The following PLEKHH2 variants were observed in gnomAD, a reference collection of about 807,000 sequenced individuals.
PLEKHH2 encodes pleckstrin homology, MyTH4 and FERM domain containing H2.
PLEKHH2 carries 129 observed loss-of-function variants against 187.9 expected under a neutral mutation model. The ratio of observed to expected loss-of-function variants is 0.69; its 90% CI spans 0.59 to 0.79. The LOEUF (loss-of-function observed/expected upper bound fraction) is 0.79, where lower values mean the gene tolerates loss of function less well. Ranked by LOEUF, PLEKHH2 falls within the 30% of genes least tolerant of loss-of-function variation. The pLI, the probability that PLEKHH2 is intolerant of heterozygous loss-of-function variation, is 0.00. For synonymous variants in PLEKHH2, 686 were observed against 605.6 expected (o/e 1.13, Z -1.95); for missense variants, 2,076 against 1,751.2 (o/e 1.19, Z -3.31).
chr2:43,700,114 C>T lies in PLEKHH2; in HGVS notation c.1156C>T (p.Leu386=), dbSNP rs148152893. 66 of 1,613,982 alleles carry T rather than the reference C, an allele frequency of 4.1e-5. No individual in the cohort carries two copies. The highest frequency in any genetic ancestry group is 1.0e-4 in the Admixed American group (6 of 59,990). Residue 386 remains leucine (L), a synonymous_variant, in exon 8 of 30, where the codon CTG becomes TTG. Transcript: ENST00000282406. Reference sequence around the variant, plus strand: ...GGAACAAGATAGTTCCTCGGATGAACTGAATAAAAAATTTCAATCCCAGAG... The same window carrying T: ...GGAACAAGATAGTTCCTCGGATGAATTGAATAAAAAATTTCAATCCCAGAG... The part of the protein sequence containing the change: ...KKEQDSSSDE[L]NKKFQSQRLD...
At chr2:43,748,169 A>T (rs532564834) in intron 24 of PLEKHH2, among the ~76,000 whole-genome samples, 173 of 152,360 alleles carry the variant, frequency 1.1e-3, no homozygotes, top group Non-Finnish European at 2.2e-3. Context: ...GTGGTTGTGA[A>T]CACTGGAGCT....
intron 16 of PLEKHH2, among the ~76,000 whole-genome samples, chr2:43,725,226 T>C (rs1292717750): frequency 6.6e-6 from 1 of 152,196 alleles, no homozygotes; most frequent in African/African-American, 2.4e-5. Flanking sequence ...TTAGTCTGTG[T>C]TTCTTTGTCC....
Position 43,745,878 on chromosome 2 carries a change from A to G in PLEKHH2, c.3568A>G (p.Ile1190Val). 1.9e-6 allele frequency: 3 copies of G among 1,608,948 alleles called. No individual in the cohort carries two copies. The highest frequency in any genetic ancestry group is 2.6e-6 in the Non-Finnish European group (3 of 1,176,440). ...LQGNIKICDI[I>V]SKWEQASKEQ... is the part of the protein sequence containing the mutation. ...ACTTCCTTTCTAGATTTGTGACATTATTTCCAAATGGGAACAGGCTTCCAA... is the reference window on the plus strand; with the variant it reads ...ACTTCCTTTCTAGATTTGTGACATTGTTTCCAAATGGGAACAGGCTTCCAA... The change falls in exon 24 of 30, where the codon ATT (isoleucine) becomes GTT (valine). Residue 1190 changes from isoleucine to valine, a missense_variant. Coordinates refer to ENST00000282406, the MANE Select transcript of PLEKHH2 (RefSeq NM_172069.4).
At chr2:43,673,094 C>T (rs959650244) in intron 2 of PLEKHH2, among the ~76,000 whole-genome samples, 3 of 152,050 alleles carry the variant, frequency 2.0e-5, no homozygotes, top group Non-Finnish European at 2.9e-5. Flanking sequence ...TTCAAACATA[C>T]AAAAGTAAGC....
At chr2:43,678,084 G>A (rs1435707903) in intron 2 of PLEKHH2, among the ~76,000 whole-genome samples, 2 of 151,534 alleles carry the variant, frequency 1.3e-5, no homozygotes, top group African/African-American at 4.9e-5. Flanking sequence ...GTCGCGGCCG[G>A]GCAGAGGCGC....
chr2:43,677,953 CG>C (rs553981296), intron 2 of PLEKHH2, among the ~76,000 whole-genome samples: 16 of 143,702 alleles, frequency 1.1e-4, no homozygotes, highest in Non-Finnish European at 1.9e-4. Context: ...CCCTCCCAGA[CG>C]GGGCGGCTGC....
intron 21 of PLEKHH2, 187 bp downstream of exon 21, chr2:43,741,230 T>A: frequency 2.3e-6 from 1 of 428,596 alleles, no homozygotes. Flanking sequence ...GTTAAATCTC[T>A]TAGGGAAGAT....
Position 43,648,645 on chromosome 2 carries a change from A to G in PLEKHH2, c.123+3849A>G, listed in dbSNP as rs111564241. Among the ~76,000 whole-genome samples, 744 of 149,584 alleles carry G rather than the reference A, an allele frequency of 5.0e-3. 5 individuals carry two copies. Among genetic ancestry groups the G allele is most frequent in the African/African-American group, 0.018 (720 of 40,610 alleles). On this transcript the variant is annotated intron_variant, in intron 2 of 29. Coordinates refer to ENST00000282406, the MANE Select transcript of PLEKHH2 (RefSeq NM_172069.4). ...GCCCAGGCTGGAGTGCAGTTGCGCA[A>G]TCTTGGCTCACTGCAACCTCCACCT...
chr2:43,721,988 A>C (rs990094812), intron 16 of PLEKHH2, among the ~76,000 whole-genome samples: 5 of 152,174 alleles, frequency 3.3e-5, no homozygotes, highest in Admixed American at 2.0e-4. Flanking sequence ...CTGTCAATGT[A>C]ATCCTAACTC....
chr2:43,710,584 CTTTTTTTTTT>C lies in PLEKHH2; in HGVS notation c.2301+24_2301+33del, dbSNP rs376851824. On this transcript the variant is annotated intron_variant, in intron 14 of 29. Transcript: ENST00000282406. ...ACAAACAAACAGTTCAGGTACTTAACTTTTTTTTTTTTTTTTTTTTTTTTGTATCATGCCA... is the reference window on the plus strand; with the variant it reads ...ACAAACAAACAGTTCAGGTACTTAACTTTTTTTTTTTTTTGTATCATGCCA... The C allele has an allele frequency of 4.1e-5, 51 of 1,242,570 alleles. No individual in the cohort carries two copies. Among genetic ancestry groups the C allele is most frequent in the Admixed American group, 3.6e-4 (9 of 25,154 alleles). The allele number at this position is 1,242,570 out of a possible 1,614,324, so 77.0% of individuals were successfully genotyped here. A position where few individuals can be genotyped will look rare whatever the true frequency, so the allele number is the denominator to read the frequency against.
At chr2:43,657,432 C>T (rs1036796665) in intron 2 of PLEKHH2, among the ~76,000 whole-genome samples, 3 of 152,116 alleles carry the variant, frequency 2.0e-5, no homozygotes, top group African/African-American at 7.2e-5. Flanking sequence ...CCAAGGTAGC[C>T]AGATCTCTGT....
At chr2:43,670,598 G>A (rs1667449539) in intron 2 of PLEKHH2, among the ~76,000 whole-genome samples, 1 of 150,730 alleles carries the variant, frequency 6.6e-6, no homozygotes, top group Non-Finnish European at 1.5e-5. Flanking sequence ...TATAAGTCTT[G>A]ATGTCAGGTA....
intron 2 of PLEKHH2, among the ~76,000 whole-genome samples, chr2:43,653,363 A>G (rs1343768495): frequency 6.6e-6 from 1 of 152,222 alleles, no homozygotes; most frequent in Non-Finnish European, 1.5e-5. Flanking sequence ...GCACCACTAG[A>G]AATTAGAGGA....
At chr2:43,670,549 T>G (rs1667447045) in intron 2 of PLEKHH2, among the ~76,000 whole-genome samples, 1 of 152,232 alleles carries the variant, frequency 6.6e-6, no homozygotes, top group Non-Finnish European at 1.5e-5. Context: ...ATGTCTGTTT[T>G]TATATAAATA....
intron 22 of PLEKHH2, 28 bp downstream of exon 22, chr2:43,742,946 G>A: frequency 1.4e-6 from 2 of 1,453,694 alleles, no homozygotes; most frequent in African/African-American, 1.4e-5. Context: ...AATATGCTTA[G>A]CCAACAATCC....
chr2:43,736,628 G>A (rs576341754), intron 19 of PLEKHH2, among the ~76,000 whole-genome samples: 1 of 152,250 alleles, frequency 6.6e-6, no homozygotes, highest in Non-Finnish European at 1.5e-5. Flanking sequence ...GAGATCAGGA[G>A]TTCGAGACCA....
chr2:43,693,106 T>G (rs987520038), intron 4 of PLEKHH2, among the ~76,000 whole-genome samples: 4 of 152,096 alleles, frequency 2.6e-5, no homozygotes, highest in African/African-American at 9.7e-5. Context: ...TTTTGTATTT[T>G]TTTTTTTAAG....
intron 2 of PLEKHH2, chr2:43,675,753 C>G: frequency 6.2e-7 from 1 of 1,613,688 alleles, no homozygotes; most frequent in South Asian, 1.1e-5. Context: ...TTTTCATCAA[C>G]TCTCTGCTTA....
intron 15 of PLEKHH2, among the ~76,000 whole-genome samples, chr2:43,720,007 G>A (rs1670406217): frequency 2.6e-5 from 4 of 152,178 alleles, no homozygotes; most frequent in Admixed American, 2.6e-4. Context: ...TCTTCTTTAT[G>A]TTAATGCATT....
Sources: gnomAD v4.1 joint callset for allele counts (sites outside exome capture counted in the v4.1 genomes callset) on GRCh38, gnomAD v4.1.1 for gene constraint, MANE v1.5 for transcripts, NCBI Gene and HGNC (gene_info 2026-07-23, HGNC 2026-07-21) for gene names.